The following NBPF14 variants were observed in gnomAD, a reference collection of about 807,000 sequenced individuals.
The protein encoded by NBPF14 is NBPF family member NBPF14.
Under a neutral mutation model 91.2 loss-of-function variants are expected in NBPF14, and 104 were observed. The observed-to-expected ratio is 1.14, with a 90% CI of 0.97 to 1.34. NBPF14 has a LOEUF of 1.34. Among genes scored for constraint, NBPF14 ranks in the 40% most tolerant of loss-of-function variants. NBPF14 has a pLI of 0.00. For synonymous variants in NBPF14, 294 were observed against 303.8 expected (o/e 0.97, Z 0.34); for missense variants, 908 against 783.0 (o/e 1.16, Z -1.91).
rs1450125542 is a variant in NBPF14, at chr1:148,535,376, C to T, written c.8441+77G>A. On this transcript the variant is annotated intron_variant, in intron 68 of 70. Coordinates refer to ENST00000619423, the Ensembl canonical transcript of NBPF14. ...CCTTCGCTGAAAACATGAAATTGAA[C>T]ACACTCTTGTTTTCCCTGGACCTGG... 151 of 547,334 alleles carry T rather than the reference C, an allele frequency of 2.8e-4. No individual in the cohort carries two copies. The African/African-American group carries it at 3.1e-3, about 11-fold the overall frequency. 33.9% of individuals were successfully genotyped at this position (547,334 alleles called of 1,614,324 possible). A position where few individuals can be genotyped will look rare whatever the true frequency, so the allele number is the denominator to read the frequency against.
Position 148,587,506 on chromosome 1 carries a change from C to G in NBPF14, c.989-103G>C. On this transcript the variant is annotated intron_variant, in intron 7 of 70. Coordinates refer to ENST00000619423, the Ensembl canonical transcript of NBPF14. Reference sequence around the variant, plus strand: ...AGGTCCATCCCAAGGACAAAACTCTCCCCAGTACCAGGGTCTAGACAGGGA... The same window carrying G: ...AGGTCCATCCCAAGGACAAAACTCTGCCCAGTACCAGGGTCTAGACAGGGA... 6 of 1,183,196 alleles carry G rather than the reference C, an allele frequency of 5.1e-6. 1 individual carries two copies. The highest frequency in any genetic ancestry group is 7.4e-6 in the Non-Finnish European group (6 of 809,604). The allele number at this position is 1,183,196 out of a possible 1,614,324, so 73.3% of individuals were successfully genotyped here. A position where few individuals can be genotyped will look rare whatever the true frequency, so the allele number is the denominator to read the frequency against.
chr1:148,589,681 T>G (rs1219067368), intron 6 of NBPF14, among the ~76,000 whole-genome samples: 1 of 114,990 alleles, frequency 8.7e-6, no homozygotes, highest in Non-Finnish European at 1.9e-5. Flanking sequence ...GGCCAATGTT[T>G]CTGTGTAGCA....
chr1:148,585,022 C>T (rs1220545369), intron 10 of NBPF14, 119 bp downstream of exon 10: 9 of 787,548 alleles, frequency 1.1e-5, no homozygotes, highest in East Asian at 9.8e-5. Context: ...TTATATTTCA[C>T]ATACTGTGGC....
Position 148,587,290 on chromosome 1 carries a change from G to T in NBPF14, c.1091+11C>A. The T allele has an allele frequency of 9.5e-6, 15 of 1,575,336 alleles. 2 individuals carry two copies. In the South Asian group the frequency reaches 1.5e-4, roughly 15 times the overall value. ...CCTGCCCCCCTGCCTGCCCCCATGG[G>T]GTCCCCTCACCTGAGCTCCTCAGCT... On this transcript the variant is annotated intron_variant, in intron 8 of 70. Transcript: ENST00000619423.
At chr1:148,566,462 T>C (rs1458299155) in intron 28 of NBPF14, 147 bp from the exon 29 acceptor site, 6 of 600,052 alleles carry the variant, frequency 1.0e-5, no homozygotes, top group African/African-American at 3.9e-5. Flanking sequence ...TGCCTTCATG[T>C]TGGGACAGAA....
At chr1:148,590,040 CTTTTTTTTTTTTT>C (rs1196401979) in intron 6 of NBPF14, among the ~76,000 whole-genome samples, 6 of 76,334 alleles carry the variant, frequency 7.9e-5, no homozygotes, top group Non-Finnish European at 7.7e-5. Flanking sequence ...CAGAGACTTA[CTTTTTTTTTTTTT>C]TTTTTTTTTT....
chr1:148,534,451 G>A (rs1386710404), intron 69 of NBPF14, among the ~76,000 whole-genome samples: 2 of 151,648 alleles, frequency 1.3e-5, no homozygotes, highest in African/African-American at 2.4e-5. Flanking sequence ...ATGAGAATAG[G>A]ATCAGGGCGC....
intron 28 of NBPF14, 52 bp from the exon 29 acceptor site, chr1:148,566,367 A>C (rs1349375065): frequency 1.3e-6 from 1 of 754,192 alleles, no homozygotes; most frequent in Non-Finnish European, 2.4e-6. Context: ...CAGACACAAC[A>C]GAGCCTCAAC....
chr1:148,578,136 G>A (rs1260758490), intron 13 of NBPF14, 102 bp from the exon 14 acceptor site: 32 of 731,076 alleles, frequency 4.4e-5, no homozygotes, highest in Middle Eastern at 3.7e-4. Context: ...TCTTGTCAGT[G>A]TGAGAACAGG....
rs1654678586 is a variant in NBPF14, at chr1:148,534,629, A to T, written c.8614+55T>A. On this transcript the variant is annotated intron_variant, in intron 69 of 70. Transcript: ENST00000619423. ...AAGGGCCACTTGGAATAGGAATATC[A>T]CCCCTATCTGGAAGACCAGGTGGAG... 67 of 896,758 alleles carry T rather than the reference A, an allele frequency of 7.5e-5. 1 individual carries two copies. In the South Asian group the frequency reaches 8.7e-4, roughly 12 times the overall value. The allele number at this position is 896,758 out of a possible 1,614,324, so 55.6% of individuals were successfully genotyped here.
In NBPF14 at chr1:148,559,996, C is replaced by T. The variant is rs1252079022; in HGVS notation, c.4557-31G>A. ...AAAGTGGAAAAAAGTAAAGAATAAG[C>T]CAGGGGGAATCAGAAACCACACAGC... On this transcript the variant is annotated intron_variant, in intron 36 of 70. Coordinates refer to ENST00000619423, the Ensembl canonical transcript of NBPF14. 805 of 993,544 alleles carry T rather than the reference C, an allele frequency of 8.1e-4. 17 individuals are homozygous for T. Among genetic ancestry groups the T allele is most frequent in the Middle Eastern group, 2.2e-3 (7 of 3,168 alleles). 61.5% of individuals were successfully genotyped at this position (993,544 alleles called of 1,614,324 possible). A position where few individuals can be genotyped will look rare whatever the true frequency, so the allele number is the denominator to read the frequency against.
chr1:148,559,430 G>A (rs1200945881), intron 37 of NBPF14, among the ~76,000 whole-genome samples: 1 of 133,806 alleles, frequency 7.5e-6, no homozygotes, highest in East Asian at 2.3e-4. Flanking sequence ...TACTCAGATT[G>A]TTCATGGTAG....
chr1:148,559,995 G>C lies in NBPF14; in HGVS notation c.4557-30C>G, dbSNP rs1437884911. ...AAAAGTGGAAAAAAGTAAAGAATAA[G>C]CCAGGGGGAATCAGAAACCACACAG... On this transcript the variant is annotated intron_variant, in intron 36 of 70. Transcript: ENST00000619423. The C allele has an allele frequency of 1.0e-5, 10 of 1,002,768 alleles. 1 individual carries two copies. The highest frequency in any genetic ancestry group is 4.4e-5 in the African/African-American group (2 of 45,584). The allele number at this position is 1,002,768 out of a possible 1,614,324, so 62.1% of individuals were successfully genotyped here.
chr1:148,578,209 C>G (rs1446129861), intron 13 of NBPF14, among the ~76,000 whole-genome samples, 175 bp from the exon 14 acceptor site: 33 of 151,980 alleles, frequency 2.2e-4, no homozygotes, highest in African/African-American at 8.0e-4. Flanking sequence ...GGCTTGTGTT[C>G]TTTCATGAGC....
intron 63 of NBPF14, 79 bp downstream of exon 63, chr1:148,539,331 A>C (rs1393466841): frequency 2.3e-5 from 13 of 570,694 alleles, no homozygotes; most frequent in Non-Finnish European, 3.7e-5. Context: ...CGGGTCAGTA[A>C]GGGGCACTTG....
intron 8 of NBPF14, among the ~76,000 whole-genome samples, chr1:148,587,058 A>T (rs1407911463): frequency 6.8e-6 from 1 of 147,566 alleles, no homozygotes; most frequent in Non-Finnish European, 1.5e-5. Flanking sequence ...ATTTTGTGTT[A>T]TGTAAATTTC....
intron 16 of NBPF14, 104 bp from the exon 17 acceptor site, chr1:148,575,915 A>C: frequency 2.8e-6 from 1 of 363,606 alleles, no homozygotes; most frequent in South Asian, 2.2e-5. Context: ...AAAAAGAAAA[A>C]GGACAGATCC....
rs1657395911 is a variant in NBPF14, at chr1:148,559,829, C to T, written c.4693G>A (p.Glu1565Lys). Residue 1565 changes from glutamate to lysine, a missense_variant, in exon 37 of 71, where the codon GAG becomes AAG. Glu to Lys is a moderately conservative substitution (Grantham distance 56, BLOSUM62 1). Around this residue, in one of 13 missense-constraint regions of NBPF14, gnomAD observed 447 missense variants for 189.1 expected, o/e 2.36. Coordinates refer to ENST00000619423, the Ensembl canonical transcript of NBPF14. ...ACAGCCAAGCCAACACGCTGCTGCT[C>T]CAATATGTAAAAGGCACTTCTATAG... 19 of 1,534,974 alleles carry T rather than the reference C, an allele frequency of 1.2e-5. 2 individuals are homozygous for T. The highest frequency in any genetic ancestry group is 1.7e-5 in the Non-Finnish European group (19 of 1,147,470).
In NBPF14 at chr1:148,587,410, A is replaced by T; in HGVS notation, c.989-7T>A. On this transcript the variant is annotated splice_region_variant and splice_polypyrimidine_tract_variant and intron_variant, in intron 7 of 70. Transcript: ENST00000619423. ...TCTTTGCACTCTTCATATTCTGAGA[A>T]AAGACAGACACACCTACCTCAGTGG... 2 of 1,572,394 alleles carry T rather than the reference A, an allele frequency of 1.3e-6. No individual in the cohort carries two copies. Among genetic ancestry groups the T allele is most frequent in the Non-Finnish European group, 1.7e-6 (2 of 1,152,962 alleles).
Sources: gnomAD v4.1 joint callset for allele counts (sites outside exome capture counted in the v4.1 genomes callset) on GRCh38, gnomAD v4.1.1 for gene constraint, gnomAD v4.1.1 regional missense constraint, MANE v1.5 for transcripts, NCBI Gene and HGNC (gene_info 2026-07-23, HGNC 2026-07-21) for gene names.